Variants in AGAP1 observed in about 807,000 individuals in gnomAD.
AGAP1 encodes arf-GAP with GTPase, ANK repeat and PH domain-containing protein 1.
AGAP1 carries 29 observed loss-of-function variants against 105.3 expected under a neutral mutation model. The ratio of observed to expected loss-of-function variants is 0.28; its 90% CI spans 0.21 to 0.38. The LOEUF (loss-of-function observed/expected upper bound fraction) is 0.38, where lower values mean the gene tolerates loss of function less well. AGAP1 is among the 10% of genes least tolerant of loss of function. AGAP1 has a pLI of 1.00. For synonymous variants in AGAP1, 509 were observed against 485.9 expected (o/e 1.05, Z -0.63); for missense variants, 998 against 1,165.1 (o/e 0.86, Z 2.09).
Position 236,058,256 on chromosome 2 carries a change from A to G in AGAP1, c.2114+8975A>G, listed in dbSNP as rs1057289833. On this transcript the variant is annotated intron_variant, in intron 16 of 17. Coordinates refer to ENST00000304032, the MANE Select transcript of AGAP1 (RefSeq NM_001037131.3). The surrounding 1 kb of genome is among the most constrained non-coding windows in gnomAD (Gnocchi z 4.6). ...TCCAAGTCCCTGGACTTCATTCCTC[A>G]CTTCTTTAGACCCAGGTCTTCTGTT... 1.3e-5 allele frequency among the ~76,000 whole-genome samples: 2 copies of G among 152,050 alleles called. No individual in the cohort carries two copies. The highest frequency in any genetic ancestry group is 2.4e-5 in the African/African-American group (1 of 41,374).
chr2:235,760,617 G>A (rs1023514844), intron 6 of AGAP1, among the ~76,000 whole-genome samples: 4 of 152,096 alleles, frequency 2.6e-5, no homozygotes, highest in East Asian at 1.9e-4. Flanking sequence ...ACAGGATCTC[G>A]ATCTGTCACA....
At chr2:235,826,184 C>T (rs867535333) in intron 9 of AGAP1, among the ~76,000 whole-genome samples, 1 of 152,150 alleles carries the variant, frequency 6.6e-6, no homozygotes, top group Non-Finnish European at 1.5e-5. Flanking sequence ...GATGGCAGAG[C>T]GTTGGCATGC....
intron 11 of AGAP1, among the ~76,000 whole-genome samples, chr2:235,913,925 C>G (rs1962550): frequency 0.36 from 55,143 of 151,962 alleles, 10,731 homozygotes; most frequent in South Asian, 0.64. Flanking sequence ...CTGTTCTTTC[C>G]CAGTTTATTC....
chr2:236,100,294 A>G (rs1207615160), intron 16 of AGAP1, among the ~76,000 whole-genome samples: 1 of 152,212 alleles, frequency 6.6e-6, no homozygotes, highest in Non-Finnish European at 1.5e-5. Flanking sequence ...GGTAGAAAAT[A>G]AAACATCTGA....
At chr2:235,722,483 G>C (rs1951438085) in intron 3 of AGAP1, among the ~76,000 whole-genome samples, 1 of 152,188 alleles carries the variant, frequency 6.6e-6, no homozygotes. Context: ...GAGAGCTTCT[G>C]GTGGCTGTCA....
chr2:235,949,707 C>T (rs77521848), intron 12 of AGAP1, among the ~76,000 whole-genome samples: 3,550 of 152,236 alleles, frequency 0.023, 150 homozygotes, highest in African/African-American at 0.081. Context: ...CACTTATCCT[C>T]GTAAAACAAA....
chr2:235,698,171 A>G (rs1575158995), intron 1 of AGAP1, among the ~76,000 whole-genome samples: 1 of 151,802 alleles, frequency 6.6e-6, no homozygotes, highest in Non-Finnish European at 1.5e-5. Context: ...TGGAGCTTGC[A>G]CTCCTGTGAG....
Position 235,908,591 on chromosome 2 carries a change from TA to T in AGAP1, c.1156-142del. ...AATGATGTTACCAGTACTCTATAGA[TA>T]AAAATCTCATGATTTTTAAAGTACT... On this transcript the variant is annotated intron_variant, in intron 10 of 17. Transcript: ENST00000304032. The surrounding 1 kb of genome is among the most constrained non-coding windows in gnomAD (Gnocchi z 4.4). The T allele has an allele frequency of 1.4e-6, 1 of 695,444 alleles. No homozygotes were observed. The highest frequency in any genetic ancestry group is 2.3e-6 in the Non-Finnish European group (1 of 434,240). 43.1% of individuals were successfully genotyped at this position (695,444 alleles called of 1,614,324 possible).
At chr2:235,909,336 GTT>G (rs1233441198) in intron 11 of AGAP1, among the ~76,000 whole-genome samples, 2 of 152,178 alleles carry the variant, frequency 1.3e-5, no homozygotes, top group Non-Finnish European at 2.9e-5. Context: ...TAAATTCTGT[GTT>G]GTTATATTTT....
chr2:235,775,939 G>A (rs777030334), intron 6 of AGAP1: 10 of 152,130 alleles, frequency 6.6e-5, no homozygotes, highest in African/African-American at 2.4e-4. Flanking sequence ...AAGTTTTTCC[G>A]TGCCTGGGAT....
chr2:235,715,886 A>G (rs1002214467), intron 2 of AGAP1, among the ~76,000 whole-genome samples: 1 of 152,016 alleles, frequency 6.6e-6, no homozygotes, highest in Non-Finnish European at 1.5e-5. Context: ...GCTGGGTGTG[A>G]TGTGGCCTCA....
In AGAP1 at chr2:235,599,570, G is replaced by A. The variant is rs1427292735; in HGVS notation, c.163+104721G>A. ...ACCAAGTCAGGATTTGTCCAGAATG[G>A]TCACTCTGCTTTGGAGAACTGCGGA... is the stretch of plus-strand genomic sequence containing the variant. On this transcript the variant is annotated intron_variant, in intron 1 of 17. Transcript: ENST00000304032. This position sits in a 1 kb window ranked among gnomAD's most constrained non-coding sequence, Gnocchi z 5.3. Among the ~76,000 whole-genome samples the A allele has an allele frequency of 4.4e-5, 6 of 134,998 alleles. No homozygotes were observed. Among genetic ancestry groups the A allele is most frequent in the Non-Finnish European group, 9.2e-5 (6 of 65,550 alleles). The allele number at this position is 134,998 out of a possible 152,430, so 88.6% of individuals were successfully genotyped here.
rs1207483039 is a variant in AGAP1, at chr2:235,655,996, A to G, written c.164-53183A>G. ...CTAGCAGGGCTGTACACACTCTACCAGGAAAGACAAAGAAATGCAGAGTCC... is the reference window on the plus strand; with the variant it reads ...CTAGCAGGGCTGTACACACTCTACCGGGAAAGACAAAGAAATGCAGAGTCC... On this transcript the variant is annotated intron_variant, in intron 1 of 17. Transcript: ENST00000304032. This position sits in a 1 kb window ranked among gnomAD's most constrained non-coding sequence, Gnocchi z 4.3. Among the ~76,000 whole-genome samples, 3 of 152,186 alleles carry G rather than the reference A, an allele frequency of 2.0e-5. No homozygotes were observed. The highest frequency in any genetic ancestry group is 4.8e-5 in the African/African-American group (2 of 41,452).
At chr2:236,111,859 C>T (rs1410604399) in intron 16 of AGAP1, among the ~76,000 whole-genome samples, 1 of 151,930 alleles carries the variant, frequency 6.6e-6, no homozygotes, top group African/African-American at 2.4e-5. Context: ...AACACACAGA[C>T]CTGCCCATGG....
rs1048591332 is a variant in AGAP1, at chr2:235,919,028, C to T, written c.1324+10122C>T. On this transcript the variant is annotated intron_variant, in intron 11 of 17. Coordinates refer to ENST00000304032, the MANE Select transcript of AGAP1 (RefSeq NM_001037131.3). This position sits in a 1 kb window ranked among gnomAD's most constrained non-coding sequence, Gnocchi z 4.1. ...AAGGTGCTTCAAACACTTTTTTTCT[C>T]TCAAAAATGTGTGTGGGCAGGGAGG... Among the ~76,000 whole-genome samples the T allele has an allele frequency of 2.6e-5, 4 of 152,108 alleles. No homozygotes were observed. Among genetic ancestry groups the T allele is most frequent in the Non-Finnish European group, 5.9e-5 (4 of 68,020 alleles).
At chr2:235,773,779 TCA>T (rs1955642501) in intron 6 of AGAP1, 3 of 370,560 alleles carry the variant, frequency 8.1e-6, no homozygotes, top group Non-Finnish European at 1.6e-5. Flanking sequence ...CTTCGGAGAA[TCA>T]CAGTTTATCT....
At position 235,592,348 on chromosome 2, in the gene AGAP1, A is replaced by G. The variant is rs557447822; in HGVS notation, c.163+97499A>G. The stretch of plus-strand genomic sequence containing the variant: ...ATGGTGAAGGAGGAGTAGATGAGCC[A>G]TGTTCTGGGGGGCAGTGAGCAGGAT... On this transcript the variant is annotated intron_variant, in intron 1 of 17. Coordinates refer to ENST00000304032, the MANE Select transcript of AGAP1 (RefSeq NM_001037131.3). Among the ~76,000 whole-genome samples, 58 of 151,512 alleles carry G rather than the reference A, an allele frequency of 3.8e-4. 1 individual carries two copies. The South Asian group carries it at 4.6e-3, about 12-fold the overall frequency.
chr2:235,728,395 C>T lies in AGAP1; in HGVS notation c.310+10751C>T, dbSNP rs1951765717. 1.3e-5 allele frequency among the ~76,000 whole-genome samples: 2 copies of T among 152,016 alleles called. No homozygotes were observed. The highest frequency in any genetic ancestry group is 4.1e-4 in the South Asian group (2 of 4,826). Reference sequence around the variant, plus strand: ...AATAATCTGCAAAAGATGACAGTTTCATATGATTCCAATGGCTTAAACTAA... The same window carrying T: ...AATAATCTGCAAAAGATGACAGTTTTATATGATTCCAATGGCTTAAACTAA... On this transcript the variant is annotated intron_variant, in intron 3 of 17. Coordinates refer to ENST00000304032, the MANE Select transcript of AGAP1 (RefSeq NM_001037131.3). This position sits in a 1 kb window ranked among gnomAD's most constrained non-coding sequence, Gnocchi z 4.3.
rs1323499209 is a variant in AGAP1, at chr2:235,716,535, C to T, written c.223-1022C>T. 6.6e-6 allele frequency among the ~76,000 whole-genome samples: 1 copy of T among 151,970 alleles called. No individual in the cohort carries two copies. Among genetic ancestry groups the T allele is most frequent in the East Asian group, 1.9e-4 (1 of 5,176 alleles). Reference sequence around the variant, plus strand: ...TCCCAGCTCAGGGAATGGCAGGTGGCCTTAATGAGCACCTGTGCCTGGGGA... The same window carrying T: ...TCCCAGCTCAGGGAATGGCAGGTGGTCTTAATGAGCACCTGTGCCTGGGGA... On this transcript the variant is annotated intron_variant, in intron 2 of 17. Transcript: ENST00000304032. The surrounding 1 kb of genome is among the most constrained non-coding windows in gnomAD (Gnocchi z 4.0).
Sources: allele counts gnomAD v4.1 joint callset (sites outside exome capture counted in the v4.1 genomes callset), GRCh38; gene constraint gnomAD v4.1.1; non-coding constraint Gnocchi (gnomAD v3.1); transcripts MANE v1.5; gene names NCBI Gene and HGNC (gene_info 2026-07-23, HGNC 2026-07-21).